Variants in BOD1L1 observed in about 807,000 individuals in gnomAD.
BOD1L1 encodes biorientation of chromosomes in cell division protein 1-like 1.
BOD1L1 carries 86 observed loss-of-function variants against 240.7 expected under a neutral mutation model. The ratio of observed to expected loss-of-function variants is 0.36; its 90% confidence interval spans 0.30 to 0.43. The LOEUF is 0.43. Among genes scored for constraint, BOD1L1 ranks in the 20% least tolerant of loss-of-function variants. The pLI is 1.00. For synonymous variants in BOD1L1, 1,268 were observed against 1,272.3 expected, an observed-to-expected ratio of 1.00 and a Z score of 0.07; for missense variants, 3,554 against 3,643.5, an observed-to-expected ratio of 0.98 and a Z score of 0.63.
Position 13,607,100 on chromosome 4 carries a change from GT to G in BOD1L1, c.1815+16del. The G allele has an allele frequency of 6.7e-7, 1 of 1,498,844 alleles. No individual in the cohort carries two copies. Among genetic ancestry groups the G allele is most frequent in the South Asian group, 1.3e-5 (1 of 79,800 alleles). 92.8% of individuals were successfully genotyped at this position (1,498,844 alleles called of 1,614,324 possible). The stretch of plus-strand genomic sequence containing the variant: ...CTAACAAAACAGCATTTGAAATGAG[GT>G]TTTATTAAGGCATACCTCACTTGTT... On this transcript the variant is annotated intron_variant, in intron 9 of 25. Coordinates refer to ENST00000040738, the MANE Select transcript of BOD1L1 (RefSeq NM_148894.3).
At position 13,599,219 on chromosome 4, in the gene BOD1L1, C is replaced by T; in HGVS notation, c.7681G>A (p.Asp2561Asn). 1 of 1,613,842 alleles carries T rather than the reference C, an allele frequency of 6.2e-7. No homozygotes were observed. Among genetic ancestry groups the T allele is most frequent in the Non-Finnish European group, 8.5e-7 (1 of 1,179,808 alleles). ...TTGGTGGTACTGGTTTTCAAGTTGT[C>T]TTCAGACCCCTGCTGCTCAGCAGGA... ...FLPAEQQGSE[D>N]NLKTSTTKCI... is the part of the protein sequence containing the mutation. The change falls in exon 10 of 26, where the codon GAC becomes AAC. Residue 2561 changes from aspartate (D) to asparagine (N), a missense_variant. Coordinates refer to ENST00000040738, the MANE Select transcript of BOD1L1 (RefSeq NM_148894.3).
chr4:13,582,225 A>C lies in BOD1L1; in HGVS notation c.8592+12T>G. ...TAATTGTGAACAAACAAATACGAAAAGCACATCTCACCTCCTGAGATTTTA... is the reference window on the plus strand; with the variant it reads ...TAATTGTGAACAAACAAATACGAAACGCACATCTCACCTCCTGAGATTTTA... On this transcript the variant is annotated intron_variant, in intron 19 of 25. Transcript: ENST00000040738. 2 of 1,604,236 alleles carry C rather than the reference A, an allele frequency of 1.2e-6. No individual in the cohort carries two copies. The highest frequency in any genetic ancestry group is 4.5e-5 in the East Asian group (2 of 44,828).
chr4:13,602,346 G>A lies in BOD1L1; in HGVS notation c.4554C>T (p.Ala1518=), dbSNP rs1368955350. Residue 1518 remains alanine, a synonymous_variant, in exon 10 of 26, where the codon GCC becomes GCT. Transcript: ENST00000040738. ...GPRRAEKTSV[A]TSTEGKDKDV... ...CTTTGTCCTTCCCTTCAGTACTAGT[G>A]GCAACAGAAGTCTTTTCTGCTCTCC... The A allele has an allele frequency of 3.7e-6, 6 of 1,613,926 alleles. No homozygotes were observed. In the East Asian group the frequency reaches 6.7e-5, roughly 18 times the overall value.
At chr4:13,570,160 G>A in intron 25 of BOD1L1, 32 bp from the exon 26 acceptor site, 1 of 1,444,344 alleles carries the variant, frequency 6.9e-7, no homozygotes, top group African/African-American at 1.5e-5. Flanking sequence ...CAATGGTGAG[G>A]TTTAAAAGCA....
intron 2 of BOD1L1, 126 bp from the exon 3 acceptor site, chr4:13,615,628 C>T (rs1272872661): frequency 1.1e-6 from 1 of 902,832 alleles, no homozygotes; most frequent in Non-Finnish European, 1.6e-6. Flanking sequence ...TTGTCCCAAT[C>T]CATTTACTTG....
At position 13,615,373 on chromosome 4, in the gene BOD1L1, C is replaced by A. The variant is rs1716507394; in HGVS notation, c.498G>T (p.Glu166Asp). 1 of 1,613,576 alleles carries A rather than the reference C, an allele frequency of 6.2e-7. No homozygotes were observed. The highest frequency in any genetic ancestry group is 1.7e-5 in the Admixed American group (1 of 59,968). ...HEFLATLNHK[E>D]EGSGNTAPDD... The stretch of plus-strand genomic sequence containing the variant: ...CGGGAGCTGTGTTGCCACTTCCTTC[C>A]TCTTTGTGATTTAGCGTGGCCAAAA... The change falls in exon 3 of 26, where the codon GAG becomes GAT. Residue 166 changes from glutamate (E) to aspartate (D), a missense_variant. Physicochemically the swap from Glu to Asp is conservative, Grantham distance 45. Around this residue, in one of 2 missense-constraint regions of BOD1L1, gnomAD observed 161 missense variants for 216.4 expected, o/e 0.74. Coordinates refer to ENST00000040738, the MANE Select transcript of BOD1L1 (RefSeq NM_148894.3).
At chr4:13,592,047 GAT>G (rs1714261202) in intron 12 of BOD1L1, 81 bp from the exon 13 acceptor site, 1 of 1,094,256 alleles carries the variant, frequency 9.1e-7, no homozygotes, top group South Asian at 1.5e-5. Flanking sequence ...AGATTTTTAG[GAT>G]AGGGAACCTA....
In BOD1L1 at chr4:13,604,628, C is replaced by G; in HGVS notation, c.2272G>C (p.Glu758Gln). ...AAACCTTTCTCAGAAGAGTGAAGCT[C>G]AGTCTCATCACCTGTTTTATGCATA... ...DCMHKTGDET[E>Q]LHSSEKGLKV... The change falls in exon 10 of 26, where the codon GAG (glutamate) becomes CAG (glutamine). Residue 758 changes from glutamate (E) to glutamine (Q), a missense_variant. Physicochemically the swap from Glu to Gln is conservative, Grantham distance 29. Around this residue, in one of 2 missense-constraint regions of BOD1L1, gnomAD observed 3,393 missense variants for 3,427.1 expected, o/e 0.99. Coordinates refer to ENST00000040738, the MANE Select transcript of BOD1L1 (RefSeq NM_148894.3). 1 of 1,578,588 alleles carries G rather than the reference C, an allele frequency of 6.3e-7. No individual in the cohort carries two copies. Among genetic ancestry groups the G allele is most frequent in the Non-Finnish European group, 8.5e-7 (1 of 1,169,912 alleles).
At chr4:13,580,654 A>T (rs989193198) in intron 21 of BOD1L1, among the ~76,000 whole-genome samples, 1 of 152,212 alleles carries the variant, frequency 6.6e-6, no homozygotes, top group Admixed American at 6.5e-5. Context: ...TTTAGGTCAA[A>T]AAGAATTCCA....
At chr4:13,607,648 C>T (rs1715819989) in intron 8 of BOD1L1, among the ~76,000 whole-genome samples, 1 of 152,168 alleles carries the variant, frequency 6.6e-6, no homozygotes, top group Admixed American at 6.5e-5. Context: ...TGTTACATTT[C>T]AATTTAAATC....
intron 21 of BOD1L1, 38 bp downstream of exon 21, chr4:13,580,982 G>A (rs1272550461): frequency 6.5e-7 from 1 of 1,543,654 alleles, no homozygotes; most frequent in African/African-American, 1.4e-5. Flanking sequence ...CAGGTTAAGA[G>A]CAAGTATTTG....
At chr4:13,586,535 A>C in intron 16 of BOD1L1, 60 bp from the exon 17 acceptor site, 1 of 1,166,470 alleles carries the variant, frequency 8.6e-7, no homozygotes, top group Non-Finnish European at 1.3e-6. Context: ...AATGAAATGC[A>C]TAGTTCTATT....
At position 13,586,436 on chromosome 4, in the gene BOD1L1, G is replaced by A. The variant is rs914625003; in HGVS notation, c.8393C>T (p.Ala2798Val). 1.9e-6 allele frequency: 3 copies of A among 1,611,640 alleles called. No homozygotes were observed. Among genetic ancestry groups the A allele is most frequent in the Non-Finnish European group, 2.5e-6 (3 of 1,178,714 alleles). Residue 2798 changes from alanine to valine, a missense_variant, in exon 17 of 26, where the codon GCA (alanine) becomes GTA (valine). Transcript: ENST00000040738. ...CTCCGTTTCAGGACACTGCCTTTGT[G>A]CTGTTTCTATTCTGGAATCCAGGAC... ...PDVLDSRIET[A>V]QRQCPETEPH...
chr4:13,577,365 A>G (rs1712838747), intron 24 of BOD1L1, 38 bp downstream of exon 24: 1 of 1,577,642 alleles, frequency 6.3e-7, no homozygotes. Flanking sequence ...GGTGGTTTTG[A>G]AACAATAAGA....
chr4:13,609,105 T>G (rs1715954697), intron 7 of BOD1L1, among the ~76,000 whole-genome samples, 190 bp downstream of exon 7: 1 of 152,134 alleles, frequency 6.6e-6, no homozygotes, highest in South Asian at 2.1e-4. Flanking sequence ...GTAAAATGTT[T>G]AATTTAGATT....
chr4:13,614,064 TAAGCA>T, intron 4 of BOD1L1, 127 bp downstream of exon 4: 1 of 782,378 alleles, frequency 1.3e-6, no homozygotes. Context: ...CTTTTTTTCT[TAAGCA>T]AAGGGGATAT....
intron 25 of BOD1L1, 48 bp from the exon 26 acceptor site, chr4:13,570,176 T>C (rs765498283): frequency 7.5e-7 from 1 of 1,336,942 alleles, no homozygotes; most frequent in Non-Finnish European, 1.0e-6. Context: ...AAGCAGCTGC[T>C]TCAAATAACT....
chr4:13,577,045 A>AAG, intron 24 of BOD1L1, 54 bp from the exon 25 acceptor site: 1 of 1,586,100 alleles, frequency 6.3e-7, no homozygotes. Flanking sequence ...AGATACTTCC[A>AAG]AGAGAGAGAG....
At position 13,601,866 on chromosome 4, in the gene BOD1L1, A is replaced by G; in HGVS notation, c.5034T>C (p.Ile1678=). 1 of 1,614,028 alleles carries G rather than the reference A, an allele frequency of 6.2e-7. No homozygotes were observed. The highest frequency in any genetic ancestry group is 8.5e-7 in the Non-Finnish European group (1 of 1,179,902). Reference sequence around the variant, plus strand: ...CACTTTCAACTTCACTAATAAAAGTAATAGTTCCTTCAACTATTTCTGAGT... The same window carrying G: ...CACTTTCAACTTCACTAATAAAAGTGATAGTTCCTTCAACTATTTCTGAGT... ...SRDSEIVEGT[I]TFISEVESDG... is the part of the protein sequence containing the mutation. Residue 1678 remains isoleucine (I), a synonymous_variant, in exon 10 of 26, where the codon ATT becomes ATC. Coordinates refer to ENST00000040738, the MANE Select transcript of BOD1L1 (RefSeq NM_148894.3).
Sources: allele counts gnomAD v4.1 joint callset (sites outside exome capture counted in the v4.1 genomes callset), GRCh38; gene constraint gnomAD v4.1.1; regional missense constraint gnomAD v4.1.1; transcripts MANE v1.5; gene names NCBI Gene and HGNC (gene_info 2026-07-23, HGNC 2026-07-21).